Variants in RBFOX3 observed in about 807,000 individuals in gnomAD.
The protein encoded by RBFOX3 is RNA binding fox-1 homolog 3.
RBFOX3 carries 17 observed loss-of-function variants against 48.7 expected under a neutral mutation model. That is an observed-to-expected ratio of 0.35 (90% CI 0.24 to 0.52). The LOEUF (loss-of-function observed/expected upper bound fraction) is 0.52, where lower values mean the gene tolerates loss of function less well. Among genes scored for constraint, RBFOX3 ranks in the 20% least tolerant of loss-of-function variants. The probability of loss-of-function intolerance (pLI) is 0.94; values close to 1 mark genes in which losing one functional copy is unlikely to be tolerated. For missense variants in RBFOX3, 382 were observed against 497.5 expected (o/e 0.77, Z 2.21); for synonymous variants, 212 against 209.5 (o/e 1.01, Z -0.10).
rs543455413 is a variant in RBFOX3, at chr17:79,097,179, C to G, written c.755+113G>C. The G allele has an allele frequency of 6.4e-3, 5,688 of 892,214 alleles. 67 individuals are homozygous for G. Among genetic ancestry groups the G allele is most frequent in the South Asian group, 0.015 (771 of 51,654 alleles). 55.3% of individuals were successfully genotyped at this position (892,214 alleles called of 1,614,324 possible). ...TCTGGGGCTCCCACGATCCTCCCCC[C>G]CCCCAGGTCTGGAAAGGCTGCCTAG... is the stretch of plus-strand genomic sequence containing the variant. On this transcript the variant is annotated intron_variant, in intron 11 of 14. Coordinates refer to ENST00000693108, the MANE Select transcript of RBFOX3 (RefSeq NM_001350451.2).
In RBFOX3 at chr17:79,442,979, G is replaced by A. The variant is rs187516436; in HGVS notation, c.-175+39475C>T. Among the ~76,000 whole-genome samples the A allele has an allele frequency of 8.5e-5, 13 of 152,312 alleles. No homozygotes were observed. In the East Asian group the frequency reaches 1.7e-3, roughly 20 times the overall value. Reference sequence around the variant, plus strand: ...AAGAGGTCCCAGGCCATGAAGCAGCGCCCAGCAGCTCGGCATTGGTCAGAA... The same window carrying A: ...AAGAGGTCCCAGGCCATGAAGCAGCACCCAGCAGCTCGGCATTGGTCAGAA... On this transcript the variant is annotated intron_variant, in intron 2 of 14. Coordinates refer to ENST00000693108, the MANE Select transcript of RBFOX3 (RefSeq NM_001350451.2).
At chr17:79,181,666 T>C (rs542406834) in intron 4 of RBFOX3, among the ~76,000 whole-genome samples, 1 of 125,364 alleles carries the variant, frequency 8.0e-6, no homozygotes, top group Non-Finnish European at 1.7e-5. Context: ...CTGCCACTGC[T>C]GGCCACCCTC....
intron 1 of RBFOX3, among the ~76,000 whole-genome samples, chr17:79,486,529 A>G (rs1040328180): frequency 6.6e-5 from 10 of 152,252 alleles, no homozygotes; most frequent in South Asian, 4.1e-4. Context: ...ACACACACAT[A>G]TGCGTGCACA....
At chr17:79,654,100 A>G in the RBFOX3 span, among the ~76,000 whole-genome samples, 1 of 152,138 alleles carries the variant, frequency 6.6e-6, no homozygotes, top group African/African-American at 2.4e-5. Context: ...AAACAAGGGC[A>G]TGAAAGAAAG....
intron 1 of RBFOX3, among the ~76,000 whole-genome samples, chr17:79,512,465 A>G (rs1328839725): frequency 3.8e-5 from 5 of 133,258 alleles, no homozygotes; most frequent in Admixed American, 3.7e-4. Flanking sequence ...GCCAGGGGAT[A>G]TACACCCGGA....
intron 2 of RBFOX3, among the ~76,000 whole-genome samples, chr17:79,462,850 C>T (rs1187999155): frequency 6.6e-6 from 1 of 152,208 alleles, no homozygotes; most frequent in Non-Finnish European, 1.5e-5. Context: ...AGCCCAGACA[C>T]AGCGGTTATC....
At chr17:79,196,342 C>T (rs1306520018) in intron 4 of RBFOX3, among the ~76,000 whole-genome samples, 1 of 152,184 alleles carries the variant, frequency 6.6e-6, no homozygotes, top group Non-Finnish European at 1.5e-5. Flanking sequence ...GACCCGGAGT[C>T]CAGCCCATCT....
the RBFOX3 span, among the ~76,000 whole-genome samples, chr17:79,624,318 C>T: frequency 9.4e-4 from 143 of 152,090 alleles, no homozygotes; most frequent in African/African-American, 3.3e-3. Context: ...TGGCCAAGTC[C>T]GGGCCACATG....
At chr17:79,283,670 G>A (rs1319221388) in intron 3 of RBFOX3, among the ~76,000 whole-genome samples, 1 of 152,198 alleles carries the variant, frequency 6.6e-6, no homozygotes, top group African/African-American at 2.4e-5. Context: ...GGCAGCCCAG[G>A]ACCTGCCTTT....
At chr17:79,592,370 G>A (rs1813961713) in intron 1 of RBFOX3, among the ~76,000 whole-genome samples, 1 of 151,812 alleles carries the variant, frequency 6.6e-6, no homozygotes, top group African/African-American at 2.4e-5. Flanking sequence ...CATGTGTGTG[G>A]TGTGTGCAGT....
chr17:79,335,919 T>C (rs928548010), intron 2 of RBFOX3, among the ~76,000 whole-genome samples: 4 of 152,218 alleles, frequency 2.6e-5, no homozygotes, highest in South Asian at 2.1e-4. Flanking sequence ...CTAGTTGTCA[T>C]CCTTATCCTA....
chr17:79,572,449 G>A (rs1413867185), intron 1 of RBFOX3, among the ~76,000 whole-genome samples: 2 of 151,962 alleles, frequency 1.3e-5, no homozygotes, highest in East Asian at 3.9e-4. Flanking sequence ...GGATGAAGCC[G>A]AGGCCGATCC....
At chr17:79,258,047 T>A (rs1303066245) in intron 3 of RBFOX3, among the ~76,000 whole-genome samples, 1 of 152,194 alleles carries the variant, frequency 6.6e-6, no homozygotes, top group African/African-American at 2.4e-5. Flanking sequence ...TTGGCCTCAC[T>A]GGGAATAGAT....
At chr17:79,634,047 TC>T in the RBFOX3 span, among the ~76,000 whole-genome samples, 7 of 152,218 alleles carry the variant, frequency 4.6e-5, no homozygotes, top group Non-Finnish European at 8.8e-5. Flanking sequence ...TGGCAGCTCA[TC>T]CCCTTCCTCA....
At chr17:79,620,167 ACACACATGCACACACATGTG>A in the RBFOX3 span, among the ~76,000 whole-genome samples, 1 of 131,822 alleles carries the variant, frequency 7.6e-6, no homozygotes, top group South Asian at 2.4e-4. Flanking sequence ...GCGGACATGC[ACACACATGCACACACATGTG>A]CACATGCACA....
intron 1 of RBFOX3, among the ~76,000 whole-genome samples, chr17:79,536,912 C>A (rs879954329): frequency 6.6e-6 from 1 of 152,042 alleles, no homozygotes; most frequent in Admixed American, 6.5e-5. Flanking sequence ...GGTAAAACCC[C>A]GTCTCTACTA....
At chr17:79,355,656 C>T (rs1017474749) in intron 2 of RBFOX3, among the ~76,000 whole-genome samples, 21 of 152,108 alleles carry the variant, frequency 1.4e-4, no homozygotes, top group Non-Finnish European at 1.6e-4. Context: ...TCTCAGCTCA[C>T]TGCAACCTCC....
the RBFOX3 span, among the ~76,000 whole-genome samples, chr17:79,656,804 AAGAAAAGAAAG>A: frequency 2.1e-3 from 3 of 1,406 alleles, no homozygotes; most frequent in African/African-American, 3.9e-3. Context: ...GAAAGAAAGA[AAGAAAAGAAAG>A]AGAAAGAAAG....
At chr17:79,341,893 G>A (rs753485876) in intron 2 of RBFOX3, among the ~76,000 whole-genome samples, 5 of 152,356 alleles carry the variant, frequency 3.3e-5, no homozygotes, top group Admixed American at 6.5e-5. Flanking sequence ...AACTCTATCC[G>A]TGAATGCAGG....
Sources: allele counts gnomAD v4.1 joint callset (sites outside exome capture counted in the v4.1 genomes callset), GRCh38; gene constraint gnomAD v4.1.1; transcripts MANE v1.5; gene names NCBI Gene and HGNC (gene_info 2026-07-23, HGNC 2026-07-21).